SCNN1G: variants seen among roughly 807,000 people sequenced by gnomAD.
SCNN1G encodes the protein epithelial sodium channel subunit gamma.
SCNN1G carries 27 observed loss-of-function variants against 64.6 expected under a neutral mutation model. The ratio of observed to expected loss-of-function variants is 0.42; its 90% CI spans 0.31 to 0.58. SCNN1G has a LOEUF of 0.58. Among genes scored for constraint, SCNN1G ranks in the 20% least tolerant of loss-of-function variants. The probability of loss-of-function intolerance (pLI) is 0.18; values close to 1 mark genes in which losing one functional copy is unlikely to be tolerated. For missense variants in SCNN1G, 743 were observed against 823.4 expected (o/e 0.90, Z 1.19); for synonymous variants, 330 against 314.2 (o/e 1.05, Z -0.53).
chr16:23,186,634 C>A (rs759719273), intron 2 of SCNN1G, 46 bp downstream of exon 2: 18 of 1,533,258 alleles, frequency 1.2e-5, no homozygotes, highest in South Asian at 3.3e-5. Flanking sequence ...CCAGGCCCCC[C>A]ACAGAGGCCA....
intron 6 of SCNN1G, among the ~76,000 whole-genome samples, 188 bp downstream of exon 6, chr16:23,197,615 G>A (rs902266939): frequency 1.7e-4 from 26 of 152,094 alleles, no homozygotes; most frequent in African/African-American, 5.8e-4. Flanking sequence ...TCTTCTGGCC[G>A]GCTGCAGTGG....
chr16:23,188,238 G>A (rs541852686), intron 2 of SCNN1G, among the ~76,000 whole-genome samples: 21 of 152,332 alleles, frequency 1.4e-4, no homozygotes, highest in Non-Finnish European at 3.1e-4. Context: ...TAGAGGCACA[G>A]TGGCTCATGC....
In SCNN1G at chr16:23,186,562, C is replaced by T. The variant is rs753031951; in HGVS notation, c.291C>T (p.Val97=). ...TCCGGAAGCTGGATTTTCCTGCAGTCACCATCTGCAACATCAACCCCTACA... is the reference window on the plus strand; with the variant it reads ...TCCGGAAGCTGGATTTTCCTGCAGTTACCATCTGCAACATCAACCCCTACA... ...VHFRKLDFPA[V]TICNINPYKY... Residue 97 remains valine, a synonymous_variant, in exon 2 of 13, where the codon GTC becomes GTT. Transcript: ENST00000300061. 1 of 1,613,276 alleles carries T rather than the reference C, an allele frequency of 6.2e-7. No homozygotes were observed. The highest frequency in any genetic ancestry group is 1.1e-5 in the South Asian group (1 of 91,078).
intron 1 of SCNN1G, among the ~76,000 whole-genome samples, chr16:23,184,264 G>A (rs537903508): frequency 6.6e-6 from 1 of 152,226 alleles, no homozygotes; most frequent in South Asian, 2.1e-4. Context: ...GGGCTGATGG[G>A]GCAGAGGTAC....
chr16:23,197,495 T>C (rs879753190), intron 6 of SCNN1G, 68 bp downstream of exon 6: 3 of 1,401,584 alleles, frequency 2.1e-6, no homozygotes, highest in Non-Finnish European at 3.0e-6. Context: ...GGATAACCAA[T>C]GGGGTGCAGC....
At chr16:23,189,274 A>T in intron 2 of SCNN1G, 97 bp from the exon 3 acceptor site, 1 of 1,270,712 alleles carries the variant, frequency 7.9e-7, no homozygotes, top group Non-Finnish European at 1.1e-6. Context: ...GGTGGGCATG[A>T]GGCTGACACG....
At chr16:23,203,167 CAG>C (rs1269359370) in intron 6 of SCNN1G, among the ~76,000 whole-genome samples, 1 of 152,138 alleles carries the variant, frequency 6.6e-6, no homozygotes, top group Non-Finnish European at 1.5e-5. Flanking sequence ...TAAGCAAGTA[CAG>C]TCGAGAGGTC....
intron 7 of SCNN1G, 135 bp from the exon 8 acceptor site, chr16:23,211,899 G>GT: frequency 1.3e-6 from 1 of 757,300 alleles, no homozygotes; most frequent in Non-Finnish European, 2.4e-6. Context: ...GCCCAGCCCA[G>GT]TTGGCATAAG....
chr16:23,204,324 TATATATATATAG>T lies in SCNN1G; in HGVS notation c.1078-5424_1078-5413del, dbSNP rs1307921611. On this transcript the variant is annotated intron_variant, in intron 6 of 12. Coordinates refer to ENST00000300061, the MANE Select transcript of SCNN1G (RefSeq NM_001039.4). ...ATATATATATATATATATATATATA[TATATATATATAG>T]AGAGAGAGAGAGAGAGAGAGAGAGA... 1.5e-3 allele frequency among the ~76,000 whole-genome samples: 102 copies of T among 67,478 alleles called. 1 individual carries two copies. Among genetic ancestry groups the T allele is most frequent in the African/African-American group, 2.1e-3 (36 of 17,438 alleles). 44.3% of individuals were successfully genotyped at this position (67,478 alleles called of 152,430 possible). A position where few individuals can be genotyped will look rare whatever the true frequency, so the allele number is the denominator to read the frequency against.
chr16:23,211,428 T>C (rs1194708991), intron 7 of SCNN1G, among the ~76,000 whole-genome samples: 2 of 152,230 alleles, frequency 1.3e-5, no homozygotes. Flanking sequence ...TTCCCACTTA[T>C]CTTTGTGTTG....
chr16:23,190,831 A>ATTT (rs896029487), intron 3 of SCNN1G, among the ~76,000 whole-genome samples: 1,796 of 56,328 alleles, frequency 0.032, 232 homozygotes, highest in South Asian at 0.067. Context: ...ATTTGAGGGG[A>ATTT]TTTTTTTTTT....
intron 1 of SCNN1G, among the ~76,000 whole-genome samples, chr16:23,183,637 C>T (rs887008534): frequency 1.3e-5 from 2 of 152,264 alleles, no homozygotes; most frequent in Middle Eastern, 3.4e-3. Flanking sequence ...GGCAAATTAC[C>T]TAACCTCTGT....
chr16:23,191,659 C>T (rs1959710953), intron 3 of SCNN1G, among the ~76,000 whole-genome samples: 1 of 152,178 alleles, frequency 6.6e-6, no homozygotes, highest in Admixed American at 6.5e-5. Context: ...TTCCTGGCCT[C>T]AATCAGTCTT....
At position 23,193,356 on chromosome 16, in the gene SCNN1G, G is replaced by A. The variant is rs144826386; in HGVS notation, c.809+814G>A. Among the ~76,000 whole-genome samples, 237 of 152,100 alleles carry A rather than the reference G, an allele frequency of 1.6e-3. 1 individual carries two copies. The highest frequency in any genetic ancestry group is 5.5e-3 in the African/African-American group (227 of 41,478). ...TGAGCAGTGGGTGAGACATTCTAAA[G>A]TGTTCCTGGGCTGGGCACAGTGGCT... is the stretch of plus-strand genomic sequence containing the variant. On this transcript the variant is annotated intron_variant, in intron 4 of 12. Coordinates refer to ENST00000300061, the MANE Select transcript of SCNN1G (RefSeq NM_001039.4).
chr16:23,189,281 C>T, intron 2 of SCNN1G, 90 bp from the exon 3 acceptor site: 3 of 1,327,124 alleles, frequency 2.3e-6, no homozygotes, highest in South Asian at 2.4e-5. Flanking sequence ...ATGAGGCTGA[C>T]ACGTGTTGAT....
chr16:23,186,146 G>A (rs1364430307), intron 1 of SCNN1G, 82 bp from the exon 2 acceptor site: 2 of 873,300 alleles, frequency 2.3e-6, no homozygotes, highest in African/African-American at 3.3e-5. Context: ...ATGGACTGGT[G>A]TTTCCCAGAC....
intron 6 of SCNN1G, among the ~76,000 whole-genome samples, chr16:23,199,942 A>G (rs1040203102): frequency 3.3e-5 from 5 of 152,112 alleles, no homozygotes; most frequent in South Asian, 2.1e-4. Flanking sequence ...AAGTGCTGGG[A>G]TTACAGGCGT....
chr16:23,207,345 G>A (rs1016451687), intron 6 of SCNN1G, among the ~76,000 whole-genome samples: 1 of 152,192 alleles, frequency 6.6e-6, no homozygotes, highest in African/African-American at 2.4e-5. Context: ...GAACAGTTCA[G>A]CAGGACCGGG....
intron 6 of SCNN1G, among the ~76,000 whole-genome samples, chr16:23,204,326 TATATATATAGAGAGAGAGAG>T (rs1486869139): frequency 1.1e-4 from 6 of 56,214 alleles, no homozygotes; most frequent in African/African-American, 3.4e-4. Context: ...TATATATATA[TATATATATAGAGAGAGAGAG>T]AGAGAGAGAG....
Sources: allele counts gnomAD v4.1 joint callset (sites outside exome capture counted in the v4.1 genomes callset), GRCh38; gene constraint gnomAD v4.1.1; transcripts MANE v1.5; gene names NCBI Gene and HGNC (gene_info 2026-07-23, HGNC 2026-07-21).